Variants in PCCA observed in about 807,000 individuals in gnomAD.
PCCA encodes the protein propionyl-CoA carboxylase subunit alpha, also known as propionyl-CoA carboxylase alpha chain, mitochondrial.
A neutral mutation model predicts 101.3 loss-of-function variants in PCCA; 74 were observed. That is an observed-to-expected ratio of 0.73 (90% CI 0.61 to 0.89). The LOEUF (loss-of-function observed/expected upper bound fraction) is 0.89. Ranked by LOEUF, PCCA falls within the 40% of genes least tolerant of loss-of-function variation. The pLI is 0.00. For synonymous variants in PCCA, 294 were observed against 313.6 expected (o/e 0.94, Z 0.66); for missense variants, 891 against 907.0 (o/e 0.98, Z 0.23).
intron 16 of PCCA, among the ~76,000 whole-genome samples, chr13:100,312,146 T>C (rs936520557): frequency 2.6e-5 from 4 of 152,218 alleles, no homozygotes; most frequent in African/African-American, 9.6e-5. Context: ...GAGCAAGTGA[T>C]ACTATCCCTG....
intron 18 of PCCA, among the ~76,000 whole-genome samples, chr13:100,368,112 C>G (rs1273274884): frequency 6.6e-6 from 1 of 151,952 alleles, no homozygotes; most frequent in African/African-American, 2.4e-5. Flanking sequence ...CAGTAAAGAA[C>G]AAAATGATTC....
At chr13:100,248,961 C>T (rs2061604370) in intron 8 of PCCA, among the ~76,000 whole-genome samples, 1 of 151,884 alleles carries the variant, frequency 6.6e-6, no homozygotes, top group South Asian at 2.1e-4. Context: ...GCCATGTTGG[C>T]CAGGCTGGTC....
chr13:100,203,562 G>C (rs1399011574), intron 6 of PCCA, among the ~76,000 whole-genome samples: 1 of 151,476 alleles, frequency 6.6e-6, no homozygotes, highest in African/African-American at 2.4e-5. Context: ...GGCATGGTGG[G>C]GGGTGCCTGT....
intron 7 of PCCA, among the ~76,000 whole-genome samples, chr13:100,230,532 C>G (rs539240817): frequency 6.9e-6 from 1 of 145,258 alleles, no homozygotes; most frequent in East Asian, 2.0e-4. Flanking sequence ...GTGACAGACT[C>G]CCATCTCAAA....
intron 21 of PCCA, among the ~76,000 whole-genome samples, chr13:100,496,556 C>T (rs929652390): frequency 6.6e-6 from 1 of 152,094 alleles, no homozygotes; most frequent in Admixed American, 6.6e-5. Context: ...GTTCACGTTT[C>T]TCTTTGTCCC....
intron 16 of PCCA, among the ~76,000 whole-genome samples, chr13:100,325,623 C>T (rs1387967809): frequency 6.6e-6 from 1 of 152,188 alleles, no homozygotes; most frequent in East Asian, 1.9e-4. Context: ...TAGGCTAACT[C>T]TGTCTGTTGT....
intron 7 of PCCA, among the ~76,000 whole-genome samples, chr13:100,217,935 G>T (rs370025695): frequency 5.3e-5 from 8 of 151,058 alleles, no homozygotes; most frequent in Non-Finnish European, 3.0e-5. Flanking sequence ...AATAAGCTGG[G>T]CGTGGTGGCA....
chr13:100,509,892 A>G (rs922419431), intron 21 of PCCA, among the ~76,000 whole-genome samples: 2 of 151,686 alleles, frequency 1.3e-5, no homozygotes, highest in Non-Finnish European at 2.9e-5. Context: ...GCCTTGGGAA[A>G]GAATTTGTTT....
At position 100,272,140 on chromosome 13, in the gene PCCA, GC is replaced by G. The variant is rs370585122; in HGVS notation, c.915-1054del. 9.7e-4 allele frequency among the ~76,000 whole-genome samples: 148 copies of G among 152,266 alleles called. 4 individuals are homozygous for G. In the South Asian group the frequency reaches 0.028, roughly 29 times the overall value. ...TGTTGAAGTCATTTTAGCTTAACTTGCCTGCTTGAAGGTGGGTTTGGTATCT... is the reference window on the plus strand; with the variant it reads ...TGTTGAAGTCATTTTAGCTTAACTTGCTGCTTGAAGGTGGGTTTGGTATCT... On this transcript the variant is annotated intron_variant, in intron 11 of 23. Transcript: ENST00000376285.
chr13:100,398,189 C>A (rs556238229), intron 19 of PCCA, among the ~76,000 whole-genome samples: 4 of 152,262 alleles, frequency 2.6e-5, no homozygotes, highest in African/African-American at 9.6e-5. Context: ...TTGAAGGAAG[C>A]TCCGTGCCAT....
intron 4 of PCCA, among the ~76,000 whole-genome samples, chr13:100,123,313 C>A (rs1055231973): frequency 6.6e-6 from 1 of 152,152 alleles, no homozygotes; most frequent in Non-Finnish European, 1.5e-5. Flanking sequence ...CCTCGGCTTC[C>A]CAAAGTGCTG....
At chr13:100,453,823 C>A (rs1051743516) in intron 21 of PCCA, among the ~76,000 whole-genome samples, 10 of 95,278 alleles carry the variant, frequency 1.0e-4, no homozygotes, top group Admixed American at 8.5e-4. Flanking sequence ...ACAAAAGTCA[C>A]CGGAAAAAAG....
intron 4 of PCCA, 129 bp downstream of exon 4, chr13:100,112,190 C>G (rs2048379141): frequency 2.9e-6 from 2 of 690,036 alleles, no homozygotes; most frequent in Admixed American, 2.4e-5. Flanking sequence ...TACTTGTTCA[C>G]TGTTGTGTTA....
chr13:100,500,224 G>A (rs2085572332), intron 21 of PCCA, among the ~76,000 whole-genome samples: 1 of 152,186 alleles, frequency 6.6e-6, no homozygotes, highest in South Asian at 2.1e-4. Context: ...ACGGTTGAAA[G>A]TCAAATGAAA....
chr13:100,290,377 A>G (rs949470259), intron 12 of PCCA, among the ~76,000 whole-genome samples: 6 of 151,804 alleles, frequency 4.0e-5, no homozygotes, highest in Non-Finnish European at 7.4e-5. Flanking sequence ...ACGCCTGGCT[A>G]ATTTTTAAAT....
At chr13:100,336,615 T>A (rs2070494809) in intron 17 of PCCA, among the ~76,000 whole-genome samples, 1 of 152,202 alleles carries the variant, frequency 6.6e-6, no homozygotes, top group Non-Finnish European at 1.5e-5. Context: ...AGGAAGGTTT[T>A]TCTTCTTTCA....
intron 21 of PCCA, among the ~76,000 whole-genome samples, chr13:100,489,040 T>C (rs902887675): frequency 6.6e-6 from 1 of 152,146 alleles, no homozygotes; most frequent in Non-Finnish European, 1.5e-5. Flanking sequence ...GTGCGGTGGC[T>C]CACGCCTGTA....
intron 4 of PCCA, among the ~76,000 whole-genome samples, chr13:100,143,541 A>G (rs1331195512): frequency 3.5e-5 from 5 of 144,660 alleles, no homozygotes; most frequent in Admixed American, 3.3e-4. Context: ...CATCCACAAA[A>G]AAAAAAAAAT....
chr13:100,158,946 T>A (rs910675956), intron 6 of PCCA, among the ~76,000 whole-genome samples: 18 of 151,358 alleles, frequency 1.2e-4, no homozygotes, highest in Non-Finnish European at 2.9e-5. Flanking sequence ...CAAATCCAAA[T>A]TATATGAGTA....
Sources: allele counts gnomAD v4.1 joint callset (sites outside exome capture counted in the v4.1 genomes callset), GRCh38; gene constraint gnomAD v4.1.1; transcripts MANE v1.5; gene names NCBI Gene and HGNC (gene_info 2026-07-23, HGNC 2026-07-21).